Variants in SGSM1 observed in about 807,000 individuals in gnomAD.
SGSM1 encodes the protein RUN and TBC1 domain containing 2.
SGSM1 carries 73 observed loss-of-function variants against 133.8 expected under a neutral mutation model. The ratio of observed to expected loss-of-function variants is 0.55; its 90% CI spans 0.45 to 0.66. SGSM1 has a LOEUF of 0.66. Ranked by LOEUF, SGSM1 falls within the 30% of genes least tolerant of loss-of-function variation. SGSM1 has a pLI of 0.00. For missense variants in SGSM1, 1,213 were observed against 1,448.1 expected (o/e 0.84, Z 2.64); for synonymous variants, 563 against 573.0 (o/e 0.98, Z 0.25).
intron 17 of SGSM1, 33 bp downstream of exon 17, chr22:24,893,646 G>T: frequency 1.3e-6 from 2 of 1,521,986 alleles, no homozygotes; most frequent in South Asian, 1.3e-5. Context: ...GAGCGCGGGG[G>T]CTGGGGAAGG....
intron 12 of SGSM1, among the ~76,000 whole-genome samples, chr22:24,872,030 A>G (rs1466828573): frequency 6.6e-6 from 1 of 152,206 alleles, no homozygotes; most frequent in Non-Finnish European, 1.5e-5. Flanking sequence ...ACATCCATTC[A>G]TTTATATATC....
In SGSM1 at chr22:24,820,067, G is replaced by T. The variant is rs538796588; in HGVS notation, c.63+13583G>T. 7.9e-5 allele frequency among the ~76,000 whole-genome samples: 12 copies of T among 152,182 alleles called. 1 individual carries two copies. The South Asian group carries it at 2.5e-3, about 32-fold the overall frequency. On this transcript the variant is annotated intron_variant, in intron 2 of 24. Coordinates refer to ENST00000400358, the MANE Select transcript of SGSM1 (RefSeq NM_001098497.3). ...GTGGGCAGGCACCCAGGAGGAGGCT[G>T]GCCAGTCTCCAGGGTGTGGGCTGGG...
intron 17 of SGSM1, among the ~76,000 whole-genome samples, chr22:24,894,385 C>G (rs1014761440): frequency 6.6e-6 from 1 of 152,164 alleles, no homozygotes; most frequent in Non-Finnish European, 1.5e-5. Flanking sequence ...GAGCGAAACT[C>G]CCTCTCAAAA....
chr22:24,812,847 G>A (rs920325105), intron 2 of SGSM1, among the ~76,000 whole-genome samples: 3 of 152,044 alleles, frequency 2.0e-5, no homozygotes, highest in Non-Finnish European at 4.4e-5. Context: ...CATCTACTAT[G>A]TGCCAGGCCC....
At position 24,898,523 on chromosome 22, in the gene SGSM1, G is replaced by A. The variant is rs1221834466; in HGVS notation, c.2574G>A (p.Glu858=). 6 of 1,612,896 alleles carry A rather than the reference G, an allele frequency of 3.7e-6. No homozygotes were observed. Among genetic ancestry groups the A allele is most frequent in the Non-Finnish European group, 5.1e-6 (6 of 1,179,280 alleles). ...TGGCTGTGACTACTTCTGCCAACGA[G>A]GTGTCCCCTGTGTCTTCCAGCGGCG... ...ASLAVTTSAN[E]VSPVSSSGVT... is the part of the protein sequence containing the mutation. Residue 858 remains glutamate (E), a synonymous_variant, in exon 19 of 25, where the codon GAG becomes GAA. Transcript: ENST00000400358.
At chr22:24,908,854 A>G (rs1933511090) in intron 21 of SGSM1, among the ~76,000 whole-genome samples, 1 of 152,264 alleles carries the variant, frequency 6.6e-6, no homozygotes, top group Admixed American at 6.5e-5. Context: ...GAGGGATTTG[A>G]ATAGACATTT....
chr22:24,894,522 G>A (rs1039957533), intron 17 of SGSM1, among the ~76,000 whole-genome samples: 3 of 152,200 alleles, frequency 2.0e-5, no homozygotes, highest in Non-Finnish European at 4.4e-5. Context: ...ACAACTCTGG[G>A]TCAGCTGGCA....
intron 13 of SGSM1, 144 bp from the exon 14 acceptor site, chr22:24,879,318 A>G (rs999883509): frequency 5.4e-5 from 37 of 687,492 alleles, no homozygotes; most frequent in Non-Finnish European, 8.5e-5. Context: ...CTGTACAGGT[A>G]GAGGTAATAG....
At chr22:24,905,279 T>C in intron 21 of SGSM1, 92 bp downstream of exon 21, 1 of 1,293,376 alleles carries the variant, frequency 7.7e-7, no homozygotes, top group Non-Finnish European at 1.1e-6. Flanking sequence ...CTCTGTAGAA[T>C]GTGGCTCCAG....
At chr22:24,844,696 A>C (rs2147833610) in intron 2 of SGSM1, 2 of 562,140 alleles carry the variant, frequency 3.6e-6, no homozygotes, top group East Asian at 5.8e-5. Context: ...CGAATAATTG[A>C]TAAAATGAGA....
intron 2 of SGSM1, among the ~76,000 whole-genome samples, chr22:24,818,627 A>G (rs192246512): frequency 6.6e-6 from 1 of 151,656 alleles, no homozygotes; most frequent in Non-Finnish European, 1.5e-5. Flanking sequence ...TCGGCCTCCC[A>G]GAGTGCTGGG....
At chr22:24,819,153 A>C (rs1343922955) in intron 2 of SGSM1, among the ~76,000 whole-genome samples, 11 of 148,056 alleles carry the variant, frequency 7.4e-5, no homozygotes. Flanking sequence ...CAAAAAAAAA[A>C]AAAAACAATA....
intron 2 of SGSM1, among the ~76,000 whole-genome samples, chr22:24,840,166 G>A (rs1929708107): frequency 6.6e-6 from 1 of 151,854 alleles, no homozygotes; most frequent in South Asian, 2.1e-4. Flanking sequence ...GGATGGTCTC[G>A]ATCTCCTGAC....
intron 22 of SGSM1, among the ~76,000 whole-genome samples, chr22:24,913,476 C>A (rs575642091): frequency 6.6e-6 from 1 of 151,988 alleles, no homozygotes; most frequent in Non-Finnish European, 1.5e-5. Flanking sequence ...GCATTCATAG[C>A]GATTGGTATA....
intron 9 of SGSM1, among the ~76,000 whole-genome samples, chr22:24,860,213 A>C (rs1040726864): frequency 6.6e-6 from 1 of 152,178 alleles, no homozygotes. Flanking sequence ...GTTAGCGAGC[A>C]TCTGGTCCAG....
chr22:24,907,129 G>A (rs113656895), intron 21 of SGSM1, among the ~76,000 whole-genome samples: 26 of 151,202 alleles, frequency 1.7e-4, no homozygotes, highest in African/African-American at 5.3e-4. Flanking sequence ...GCATCGTGGC[G>A]GGTGCCTGTA....
At chr22:24,823,433 C>T (rs1380229405) in intron 2 of SGSM1, among the ~76,000 whole-genome samples, 1 of 151,438 alleles carries the variant, frequency 6.6e-6, no homozygotes, top group African/African-American at 2.4e-5. Context: ...AACCCTGTCT[C>T]TAATAAAAAT....
At chr22:24,856,346 G>A (rs1193029160) in intron 8 of SGSM1, among the ~76,000 whole-genome samples, 1 of 151,690 alleles carries the variant, frequency 6.6e-6, no homozygotes, top group African/African-American at 2.4e-5. Context: ...AGTATTATCA[G>A]ATGGTAATAC....
At position 24,866,875 on chromosome 22, in the gene SGSM1, C is replaced by T. The variant is rs1203083152; in HGVS notation, c.927-218C>T. On this transcript the variant is annotated intron_variant, in intron 9 of 24. Transcript: ENST00000400358. ...GAGTGGGTGGGGTCGACCTCACCTC[C>T]CATATGAACTGGGGGTGGGAAGGAT... Among the ~76,000 whole-genome samples the T allele has an allele frequency of 4.6e-5, 7 of 152,236 alleles. No homozygotes were observed. The East Asian group carries it at 1.4e-3, about 29-fold the overall frequency.
Sources: allele counts gnomAD v4.1 joint callset (sites outside exome capture counted in the v4.1 genomes callset), GRCh38; gene constraint gnomAD v4.1.1; transcripts MANE v1.5; gene names NCBI Gene and HGNC (gene_info 2026-07-23, HGNC 2026-07-21).